Variants in AKT3 observed in about 807,000 individuals in gnomAD.
AKT3 encodes AKT serine/threonine kinase 3, also known as RAC-gamma serine/threonine-protein kinase.
A neutral mutation model predicts 65.3 loss-of-function variants in AKT3; 15 were observed. The observed-to-expected ratio is 0.23, with a 90% CI of 0.15 to 0.35. The LOEUF (loss-of-function observed/expected upper bound fraction) is 0.35, where lower values mean the gene tolerates loss of function less well. AKT3 is among the 10% of genes least tolerant of loss of function. The pLI, the probability that AKT3 is intolerant of heterozygous loss-of-function variation, is 1.00. For synonymous variants in AKT3, 206 were observed against 183.8 expected (o/e 1.12, Z -0.98); for missense variants, 243 against 576.5 (o/e 0.42, Z 5.92).
chr1:243,672,243 G>C (rs1330555179), intron 3 of AKT3, among the ~76,000 whole-genome samples: 1 of 152,202 alleles, frequency 6.6e-6, no homozygotes, highest in Non-Finnish European at 1.5e-5. Flanking sequence ...TGAAGGGAAA[G>C]AAAGTGGTAA....
chr1:243,582,844 T>C (rs185101413), intron 8 of AKT3, among the ~76,000 whole-genome samples: 160 of 152,102 alleles, frequency 1.1e-3, no homozygotes, highest in African/African-American at 3.4e-3. Flanking sequence ...GACTCATCCA[T>C]CTGGCTTGTC....
chr1:243,646,958 T>A (rs1303004908), intron 4 of AKT3, among the ~76,000 whole-genome samples: 2 of 152,226 alleles, frequency 1.3e-5, no homozygotes, highest in Non-Finnish European at 2.9e-5. Context: ...TCCATGTGAA[T>A]TTTAAAATCA....
chr1:243,832,120 TAAAAAAAAAAAAAAAAAAAAAAAAAA>T (rs869235352), intron 2 of AKT3, among the ~76,000 whole-genome samples: 594 of 44,788 alleles, frequency 0.013, 14 homozygotes, highest in African/African-American at 0.042. Flanking sequence ...TCCCTAAAAC[TAAAAAAAAAAAAAAAAAAAAAAAAAA>T]AAAAAAAAAA....
At chr1:243,578,550 G>A (rs1031119137) in intron 8 of AKT3, among the ~76,000 whole-genome samples, 4 of 152,118 alleles carry the variant, frequency 2.6e-5, no homozygotes, top group Admixed American at 6.6e-5. Context: ...CCAAGGGAGG[G>A]AGATCATCAG....
intron 2 of AKT3, among the ~76,000 whole-genome samples, chr1:243,800,966 G>C (rs1207306339): frequency 6.6e-6 from 1 of 152,130 alleles, no homozygotes; most frequent in African/African-American, 2.4e-5. Flanking sequence ...AGGGGTGATG[G>C]CTGAATAGGT....
intron 2 of AKT3, among the ~76,000 whole-genome samples, chr1:243,832,429 C>T (rs1448883168): frequency 1.3e-5 from 2 of 152,098 alleles, no homozygotes; most frequent in Admixed American, 6.6e-5. Flanking sequence ...TGTATCTATA[C>T]ATTAAAACAC....
chr1:243,536,000 T>C (rs1286368240), intron 12 of AKT3, among the ~76,000 whole-genome samples: 1 of 152,226 alleles, frequency 6.6e-6, no homozygotes, highest in Non-Finnish European at 1.5e-5. Flanking sequence ...TTTCCCATGT[T>C]TGTTGGCCAT....
At chr1:243,582,682 T>C (rs962674738) in intron 8 of AKT3, among the ~76,000 whole-genome samples, 1 of 152,028 alleles carries the variant, frequency 6.6e-6, no homozygotes, top group Non-Finnish European at 1.5e-5. Flanking sequence ...ACAGACCCTA[T>C]AAAGCAAAAA....
At chr1:243,829,439 T>C (rs1401330474) in intron 2 of AKT3, among the ~76,000 whole-genome samples, 1 of 152,058 alleles carries the variant, frequency 6.6e-6, no homozygotes, top group Non-Finnish European at 1.5e-5. Flanking sequence ...AAGGCAAAAA[T>C]ATACCGTAAC....
chr1:243,665,602 G>A (rs1055491196), intron 3 of AKT3, among the ~76,000 whole-genome samples: 4 of 151,916 alleles, frequency 2.6e-5, no homozygotes, highest in South Asian at 4.2e-4. Flanking sequence ...TTATTTTTTC[G>A]TACCATTAAC....
intron 6 of AKT3, among the ~76,000 whole-genome samples, chr1:243,637,138 G>T (rs1225732786): frequency 6.6e-6 from 1 of 152,046 alleles, no homozygotes; most frequent in African/African-American, 2.4e-5. Flanking sequence ...AGGTATGGGG[G>T]TGGGAAGTAA....
chr1:243,651,225 A>G (rs1681294573), intron 4 of AKT3, among the ~76,000 whole-genome samples: 1 of 151,972 alleles, frequency 6.6e-6, no homozygotes, highest in Admixed American at 6.5e-5. Context: ...AATGCTTGTG[A>G]TTTTTGCACC....
intron 2 of AKT3, among the ~76,000 whole-genome samples, chr1:243,697,615 C>G (rs2148031367): frequency 6.6e-6 from 1 of 152,108 alleles, no homozygotes; most frequent in Admixed American, 6.5e-5. Context: ...ATGCATTGGT[C>G]ACATAGAAAA....
chr1:243,662,185 A>G (rs1023901778), intron 4 of AKT3, among the ~76,000 whole-genome samples: 7 of 152,262 alleles, frequency 4.6e-5, no homozygotes, highest in African/African-American at 1.7e-4. Flanking sequence ...ATACCATTTG[A>G]CCCAGCCATC....
At chr1:243,844,364 G>T (rs1695418507) in intron 1 of AKT3, among the ~76,000 whole-genome samples, 1 of 152,200 alleles carries the variant, frequency 6.6e-6, no homozygotes, top group Non-Finnish European at 1.5e-5. Flanking sequence ...AAGATAAAAA[G>T]AAGTCAGAGT....
chr1:243,795,449 G>GTTTTGTTTTT (rs1691898953), intron 2 of AKT3, among the ~76,000 whole-genome samples: 1 of 93,504 alleles, frequency 1.1e-5, no homozygotes, highest in African/African-American at 4.9e-5. Flanking sequence ...TGATCTCCTT[G>GTTTTGTTTTT]TTTTTTTTTT....
At chr1:243,569,016 A>C (rs998738269) in intron 9 of AKT3, among the ~76,000 whole-genome samples, 9 of 152,260 alleles carry the variant, frequency 5.9e-5, no homozygotes, top group African/African-American at 2.2e-4. Flanking sequence ...TGACTACTGC[A>C]GCAATAGAAA....
chr1:243,745,547 A>G (rs374405632), intron 2 of AKT3, among the ~76,000 whole-genome samples: 1 of 152,180 alleles, frequency 6.6e-6, no homozygotes, highest in African/African-American at 2.4e-5. Flanking sequence ...ATTAGTCAGT[A>G]CTCAGCTCTC....
Position 243,770,017 on chromosome 1 carries a change from T to C in AKT3, c.46+73108A>G, listed in dbSNP as rs954036095. 3.9e-5 allele frequency among the ~76,000 whole-genome samples: 6 copies of C among 152,222 alleles called. No homozygotes were observed. In the South Asian group the frequency reaches 1.2e-3, roughly 31 times the overall value. On this transcript the variant is annotated intron_variant, in intron 2 of 13. Coordinates refer to ENST00000673466, the MANE Select transcript of AKT3 (RefSeq NM_005465.7). ...TGAGGTAAGGAGTCCAAATTCATTC[T>C]TTTATATGTGGAAATCGGGTTGTCC...
Sources: allele counts gnomAD v4.1 joint callset (sites outside exome capture counted in the v4.1 genomes callset), GRCh38; gene constraint gnomAD v4.1.1; transcripts MANE v1.5; gene names NCBI Gene and HGNC (gene_info 2026-07-23, HGNC 2026-07-21).